LINGO2: variants seen among roughly 807,000 people sequenced by gnomAD.
LINGO2 encodes leucine rich repeat and Ig domain containing 2.
In LINGO2, 14 loss-of-function variants were observed where a neutral mutation model predicts 30.6. The ratio of observed to expected loss-of-function variants is 0.46; its 90% CI spans 0.30 to 0.72. The LOEUF (loss-of-function observed/expected upper bound fraction) is 0.72, where lower values mean the gene tolerates loss of function less well. Among genes scored for constraint, LINGO2 ranks in the 30% least tolerant of loss-of-function variants. The pLI is 0.07. For missense variants in LINGO2, 729 were observed against 751.7 expected, an observed-to-expected ratio of 0.97 and a Z score of 0.35; for synonymous variants, 317 against 288.5, an observed-to-expected ratio of 1.10 and a Z score of -1.00.
chr9:29,093,215 T>C, the LINGO2 span, among the ~76,000 whole-genome samples: 11 of 133,464 alleles, frequency 8.2e-5, 3 homozygotes, highest in Middle Eastern at 8.4e-3. Flanking sequence ...TTATTCCCTG[T>C]AGAAACAACT....
chr9:28,931,066 T>C, the LINGO2 span, among the ~76,000 whole-genome samples: 1 of 152,208 alleles, frequency 6.6e-6, no homozygotes, highest in Non-Finnish European at 1.5e-5. Flanking sequence ...TCACTTTTCA[T>C]GAGAAATTAG....
rs1417510326 is a variant in LINGO2, at chr9:27,950,667, A to ACG, written c.4_5insCG (p.Leu2ProfsTer19). The stretch of plus-strand genomic sequence containing the variant: ...CTGCCAGCATGATATGGCCGTGTGA[A>ACG]GCATGACTCCACTTCTTAGTCTACA... On this transcript the variant is annotated frameshift_variant, in exon 6 of 6. Coordinates refer to ENST00000379992, the Ensembl canonical transcript of LINGO2. LOFTEE classifies it high-confidence loss of function. 11 of 1,506,904 alleles carry ACG rather than the reference A, an allele frequency of 7.3e-6. No homozygotes were observed. The highest frequency in any genetic ancestry group is 5.5e-5 in the South Asian group (4 of 72,640). The allele number at this position is 1,506,904 out of a possible 1,614,324, so 93.3% of individuals were successfully genotyped here.
exon 6 of LINGO2, chr9:27,949,181 G>A: frequency 1.2e-6 from 2 of 1,613,980 alleles, no homozygotes; most frequent in Non-Finnish European, 1.7e-6. Context: ...TCACAGTTAA[G>A]GAGGCTGTGA....
chr9:28,844,104 G>C, the LINGO2 span, among the ~76,000 whole-genome samples: 2 of 151,810 alleles, frequency 1.3e-5, no homozygotes, highest in Non-Finnish European at 2.9e-5. Context: ...GCTCATGACC[G>C]TAATCTCAGC....
At chr9:28,249,256 C>T (rs1259894553) in intron 4 of LINGO2, among the ~76,000 whole-genome samples, 1 of 152,076 alleles carries the variant, frequency 6.6e-6, no homozygotes, top group African/African-American at 2.4e-5. Flanking sequence ...CTAAAACTCT[C>T]TACAGTAATT....
chr9:28,674,931 G>A (rs62550189), upstream of LINGO2, among the ~76,000 whole-genome samples: 8,990 of 151,968 alleles, frequency 0.059, 445 homozygotes, highest in Admixed American at 0.18. Flanking sequence ...TACAGAAATG[G>A]TCTACACTAC....
At chr9:28,434,311 C>T (rs1587668682) in intron 2 of LINGO2, among the ~76,000 whole-genome samples, 1 of 139,894 alleles carries the variant, frequency 7.1e-6, no homozygotes, top group South Asian at 2.4e-4. Flanking sequence ...GACCTGTACC[C>T]TAAAAATTAC....
chr9:28,567,673 G>A (rs1327857072), intron 1 of LINGO2, among the ~76,000 whole-genome samples: 1 of 151,998 alleles, frequency 6.6e-6, no homozygotes, highest in African/African-American at 2.4e-5. Flanking sequence ...AGAGGCAAGG[G>A]TTGAAAAACT....
the LINGO2 span, among the ~76,000 whole-genome samples, chr9:28,961,752 G>A: frequency 2.6e-5 from 4 of 152,134 alleles, no homozygotes. Context: ...AACCTCAAGA[G>A]ACACCTCTTT....
intron 1 of LINGO2, among the ~76,000 whole-genome samples, chr9:28,555,909 A>C (rs1033104388): frequency 4.6e-5 from 7 of 152,110 alleles, no homozygotes; most frequent in African/African-American, 1.7e-4. Context: ...CGATTATCTC[A>C]ATAGATGCAG....
intron 5 of LINGO2, among the ~76,000 whole-genome samples, chr9:27,999,186 A>C (rs1481829512): frequency 6.6e-6 from 1 of 152,084 alleles, no homozygotes; most frequent in East Asian, 1.9e-4. Context: ...AGCAAAAAAA[A>C]ACCCAACACT....
intron 4 of LINGO2, among the ~76,000 whole-genome samples, chr9:28,039,753 C>G (rs1824112994): frequency 6.6e-6 from 1 of 152,156 alleles, no homozygotes; most frequent in Non-Finnish European, 1.5e-5. Context: ...AAAGATTAGT[C>G]TTTAAATAGT....
chr9:29,135,591 A>G, the LINGO2 span, among the ~76,000 whole-genome samples: 28 of 151,918 alleles, frequency 1.8e-4, no homozygotes, highest in Non-Finnish European at 2.5e-4. Context: ...ATTGTCTTCC[A>G]AACAGATTCC....
chr9:28,729,230 A>T, the LINGO2 span, among the ~76,000 whole-genome samples: 1 of 152,126 alleles, frequency 6.6e-6, no homozygotes, highest in Non-Finnish European at 1.5e-5. Flanking sequence ...GAAAGACCAG[A>T]AAAAAATGAT....
intron 1 of LINGO2, among the ~76,000 whole-genome samples, chr9:28,537,139 G>C (rs1821468753): frequency 6.6e-6 from 1 of 151,988 alleles, no homozygotes; most frequent in East Asian, 1.9e-4. Flanking sequence ...ACCACCAGAA[G>C]GTACGAAAGA....
upstream of LINGO2, among the ~76,000 whole-genome samples, chr9:28,672,547 T>C (rs1829062840): frequency 6.6e-6 from 1 of 152,180 alleles, no homozygotes; most frequent in Admixed American, 6.6e-5. Context: ...AAATCTTAAA[T>C]TATAAGTTGT....
At chr9:28,918,548 C>A in the LINGO2 span, among the ~76,000 whole-genome samples, 2 of 152,124 alleles carry the variant, frequency 1.3e-5, no homozygotes, top group Admixed American at 1.3e-4. Context: ...ATTTGTGACC[C>A]ATCAATGGAA....
chr9:28,535,817 C>G (rs1171900223), intron 1 of LINGO2, among the ~76,000 whole-genome samples: 20 of 152,088 alleles, frequency 1.3e-4, no homozygotes, highest in Admixed American at 1.3e-3. Flanking sequence ...TAGGAGAAGA[C>G]AAATGCAGAA....
At chr9:29,110,623 C>T in the LINGO2 span, among the ~76,000 whole-genome samples, 5 of 151,246 alleles carry the variant, frequency 3.3e-5, no homozygotes, top group South Asian at 8.4e-4. Flanking sequence ...CATGAGCCAC[C>T]GCGCCCGGCC....
Sources: allele counts gnomAD v4.1 joint callset (sites outside exome capture counted in the v4.1 genomes callset), GRCh38; gene constraint gnomAD v4.1.1; transcripts MANE v1.5; gene names NCBI Gene and HGNC (gene_info 2026-07-23, HGNC 2026-07-21).